The following TAOK3 variants were observed in gnomAD, a reference collection of about 807,000 sequenced individuals.
TAOK3 encodes TAO kinase 3, also known as serine/threonine-protein kinase TAO3.
A neutral mutation model predicts 120.4 loss-of-function variants in TAOK3; 40 were observed. The observed-to-expected ratio is 0.33, with a 90% CI of 0.26 to 0.43. The LOEUF (loss-of-function observed/expected upper bound fraction) is 0.43. Ranked by LOEUF, TAOK3 falls within the 20% of genes least tolerant of loss-of-function variation. TAOK3 has a pLI of 1.00. For synonymous variants in TAOK3, 355 were observed against 387.5 expected (o/e 0.92, Z 0.99); for missense variants, 821 against 1,112.1 (o/e 0.74, Z 3.72).
In TAOK3 at chr12:118,177,290, G is replaced by A; in HGVS notation, c.1606C>T (p.Gln536Ter). ...TCTTTCTTCTGCTGGGCCAAGATCT[G>A]TTGCTGGAACTTCTTCTCATCTGCT... ...AAADEKKFQQ[Q>*]ILAQQKKDLT... The change falls in exon 16 of 21, where the codon CAG becomes TAG. Residue 536 changes from glutamine (Q) to a stop codon, truncating the protein, a stop_gained. Transcript: ENST00000392533. LOFTEE classifies it high-confidence loss of function. The A allele has an allele frequency of 6.2e-7, 1 of 1,613,674 alleles. No homozygotes were observed. Among genetic ancestry groups the A allele is most frequent in the Non-Finnish European group, 8.5e-7 (1 of 1,179,884 alleles).
At chr12:118,261,040 T>G (rs142055056) in intron 2 of TAOK3, among the ~76,000 whole-genome samples, 1 of 152,126 alleles carries the variant, frequency 6.6e-6, no homozygotes, top group Non-Finnish European at 1.5e-5. Context: ...ATCCTCTGCA[T>G]GGGTTGCATA....
chr12:118,354,640 G>A (rs1422879135), intron 1 of TAOK3, among the ~76,000 whole-genome samples: 2 of 152,086 alleles, frequency 1.3e-5, no homozygotes, highest in African/African-American at 4.8e-5. Flanking sequence ...GAACTCGGTG[G>A]GAGGTGAGTG....
At chr12:118,217,812 T>TATAA (rs2038995164) in intron 9 of TAOK3, among the ~76,000 whole-genome samples, 1 of 43,680 alleles carries the variant, frequency 2.3e-5, no homozygotes, top group African/African-American at 1.2e-4. Flanking sequence ...TGTGTGTGTG[T>TATAA]ATACATATAT....
At chr12:118,346,453 A>C (rs1008245352) in intron 1 of TAOK3, among the ~76,000 whole-genome samples, 4 of 152,216 alleles carry the variant, frequency 2.6e-5, no homozygotes, top group African/African-American at 9.7e-5. Flanking sequence ...ACTACTAATA[A>C]ATTTCTATTC....
intron 1 of TAOK3, among the ~76,000 whole-genome samples, chr12:118,322,392 TCTCC>T (rs1374912940): frequency 6.6e-6 from 1 of 151,958 alleles, no homozygotes; most frequent in Non-Finnish European, 1.5e-5. Context: ...AATAATTATT[TCTCC>T]TCAAATTAAT....
chr12:118,227,884 TTTGTTCCCCCAAAGGAATATATA>T (rs2039582371), intron 9 of TAOK3, among the ~76,000 whole-genome samples: 1 of 152,142 alleles, frequency 6.6e-6, no homozygotes, highest in Admixed American at 6.6e-5. Flanking sequence ...ACAGAGTAGT[TTTGTTCCCCCAAAGGAATATATA>T]TTTACTTCTA....
chr12:118,171,881 T>C (rs1208266227), intron 17 of TAOK3, among the ~76,000 whole-genome samples: 1 of 152,348 alleles, frequency 6.6e-6, no homozygotes, highest in African/African-American at 2.4e-5. Flanking sequence ...AGCCCTCTCA[T>C]GATTGTATGC....
chr12:118,317,265 CAA>C (rs970730677), intron 1 of TAOK3, among the ~76,000 whole-genome samples: 24 of 63,620 alleles, frequency 3.8e-4, no homozygotes, highest in Admixed American at 6.5e-4. Flanking sequence ...AAGTTTGTCT[CAA>C]AAAAAAAAAA....
intron 9 of TAOK3, among the ~76,000 whole-genome samples, chr12:118,230,250 C>A (rs78899873): frequency 2.0e-5 from 3 of 151,964 alleles, no homozygotes; most frequent in African/African-American, 7.2e-5. Context: ...TGATCTGTAA[C>A]GGCTTTTGTG....
intron 1 of TAOK3, among the ~76,000 whole-genome samples, chr12:118,305,904 CA>C (rs71450271): frequency 0.092 from 5,375 of 58,392 alleles, 143 homozygotes; most frequent in African/African-American, 0.2. Context: ...GACTCCGTCT[CA>C]AAAAAAAAAA....
At chr12:118,236,972 A>G (rs1261887805) in intron 7 of TAOK3, among the ~76,000 whole-genome samples, 4 of 152,198 alleles carry the variant, frequency 2.6e-5, no homozygotes, top group Admixed American at 2.6e-4. Context: ...TGTAGCTTTA[A>G]ATGAGAGCAG....
chr12:118,231,926 A>AAAAAAAAG (rs1017491066), intron 9 of TAOK3, among the ~76,000 whole-genome samples: 2 of 152,018 alleles, frequency 1.3e-5, no homozygotes, highest in Non-Finnish European at 2.9e-5. Flanking sequence ...GTGTCTCAAA[A>AAAAAAAAG]AAAAAAAGAA....
At chr12:118,276,677 G>A (rs1315020041) in intron 1 of TAOK3, among the ~76,000 whole-genome samples, 1 of 151,998 alleles carries the variant, frequency 6.6e-6, no homozygotes, top group Non-Finnish European at 1.5e-5. Context: ...ACTCCAGCCT[G>A]GGCAACACAG....
At chr12:118,307,553 T>C (rs888904571) in intron 1 of TAOK3, among the ~76,000 whole-genome samples, 1 of 152,142 alleles carries the variant, frequency 6.6e-6, no homozygotes, top group Non-Finnish European at 1.5e-5. Flanking sequence ...TAGGTCGCAA[T>C]GGGAAAAATG....
At chr12:118,152,600 A>G (rs1050203478) in intron 19 of TAOK3, 191 bp from the exon 20 acceptor site, 6 of 558,296 alleles carry the variant, frequency 1.1e-5, no homozygotes, top group Admixed American at 6.1e-5. Flanking sequence ...ATGGGCTACA[A>G]TACCAAACAC....
At chr12:118,224,028 T>C (rs2039383692) in intron 9 of TAOK3, among the ~76,000 whole-genome samples, 1 of 152,240 alleles carries the variant, frequency 6.6e-6, no homozygotes, top group Admixed American at 6.5e-5. Context: ...ATTCCTACTA[T>C]ATGCCAGGCA....
At chr12:118,352,114 C>T (rs545327551) in intron 1 of TAOK3, among the ~76,000 whole-genome samples, 15 of 151,936 alleles carry the variant, frequency 9.9e-5, no homozygotes, top group South Asian at 8.3e-4. Context: ...CCTCGTGGTC[C>T]GCCCACCTCG....
chr12:118,370,163 G>A (rs971607879), intron 1 of TAOK3, among the ~76,000 whole-genome samples: 1 of 152,082 alleles, frequency 6.6e-6, no homozygotes, highest in African/African-American at 2.4e-5. Flanking sequence ...GTGAGCCACC[G>A]CGCCTGGCCA....
chr12:118,265,387 T>A, intron 2 of TAOK3, among the ~76,000 whole-genome samples: 2 of 117,052 alleles, frequency 1.7e-5, no homozygotes. Flanking sequence ...AAACACTGTC[T>A]CAGGAAGAAA....
Sources: gnomAD v4.1 joint callset for allele counts (sites outside exome capture counted in the v4.1 genomes callset) on GRCh38, gnomAD v4.1.1 for gene constraint, MANE v1.5 for transcripts, NCBI Gene and HGNC (gene_info 2026-07-23, HGNC 2026-07-21) for gene names.